The following THRB variants were observed in gnomAD, a reference collection of about 807,000 sequenced individuals.
THRB encodes nuclear receptor subfamily 1 group A member 2.
A neutral mutation model predicts 47.8 loss-of-function variants in THRB; 12 were observed. That is an observed-to-expected ratio of 0.25 (90% CI 0.16 to 0.41). The LOEUF is 0.41. Among genes scored for constraint, THRB ranks in the 10% least tolerant of loss-of-function variants. THRB has a pLI of 1.00. For synonymous variants in THRB, 218 were observed against 212.2 expected, an observed-to-expected ratio of 1.03 and a Z score of -0.24; for missense variants, 348 against 589.2, an observed-to-expected ratio of 0.59 and a Z score of 4.24.
At chr3:24,448,797 C>T (rs1331328257) in intron 1 of THRB, among the ~76,000 whole-genome samples, 3 of 152,276 alleles carry the variant, frequency 2.0e-5, no homozygotes, top group African/African-American at 4.8e-5. Context: ...CAGAGAAATG[C>T]CTTTTCTGAG....
At chr3:24,484,335 T>C (rs1696947523) in intron 1 of THRB, among the ~76,000 whole-genome samples, 1 of 152,184 alleles carries the variant, frequency 6.6e-6, no homozygotes, top group Non-Finnish European at 1.5e-5. Flanking sequence ...TCTAGAGTCC[T>C]GTCATCAAAT....
In THRB at chr3:24,441,842, A is replaced by C. The variant is rs139835916; in HGVS notation, c.-261+52810T>G. 5.6e-4 allele frequency among the ~76,000 whole-genome samples: 86 copies of C among 152,262 alleles called. 1 individual carries two copies. In the Middle Eastern group the frequency reaches 0.017, roughly 30 times the overall value. ...TCTCACTCTAGTCTCCCCATCCAAA[A>C]ACATTTTTAAAAGACTTGAGCCCCT... On this transcript the variant is annotated intron_variant, in intron 1 of 10. Coordinates refer to ENST00000646209, the MANE Select transcript of THRB (RefSeq NM_001354712.2).
intron 1 of THRB, among the ~76,000 whole-genome samples, chr3:24,491,941 G>A (rs1698202313): frequency 6.6e-6 from 1 of 152,230 alleles, no homozygotes; most frequent in African/African-American, 2.4e-5. Context: ...CGCAGAAATA[G>A]CTCTTTGCAT....
At chr3:24,218,517 A>T (rs1389523597) in intron 4 of THRB, among the ~76,000 whole-genome samples, 1 of 151,982 alleles carries the variant, frequency 6.6e-6, no homozygotes, top group African/African-American at 2.4e-5. Flanking sequence ...CAAACTTCTT[A>T]AAAAAGTACA....
chr3:24,279,580 A>G (rs79393264), intron 3 of THRB, among the ~76,000 whole-genome samples: 1 of 142,744 alleles, frequency 7.0e-6, no homozygotes, highest in Non-Finnish European at 1.5e-5. Context: ...TTTTTTTAGT[A>G]GAGACGGGGT....
chr3:24,223,073 C>G (rs1201717929), intron 4 of THRB, among the ~76,000 whole-genome samples: 1 of 151,874 alleles, frequency 6.6e-6, no homozygotes, highest in East Asian at 1.9e-4. Flanking sequence ...CATCGTTGCT[C>G]TCCTTTGGCT....
intron 8 of THRB, among the ~76,000 whole-genome samples, chr3:24,143,082 C>T (rs1351999731): frequency 6.6e-6 from 1 of 151,994 alleles, no homozygotes; most frequent in Admixed American, 6.6e-5. Flanking sequence ...ATACTTGAGG[C>T]CTAGAGGCTA....
intron 2 of THRB, among the ~76,000 whole-genome samples, chr3:24,321,165 C>G (rs1056334191): frequency 6.6e-6 from 1 of 152,238 alleles, no homozygotes; most frequent in South Asian, 2.1e-4. Flanking sequence ...TTTTACACCC[C>G]CAGTCTCCAT....
At chr3:24,408,813 CA>C (rs2068039410) in intron 1 of THRB, among the ~76,000 whole-genome samples, 1 of 151,258 alleles carries the variant, frequency 6.6e-6, no homozygotes, top group Admixed American at 6.6e-5. Context: ...CAAATCATTA[CA>C]GAAGAAAAAA....
At chr3:24,248,875 A>G (rs1011739209) in intron 3 of THRB, among the ~76,000 whole-genome samples, 2 of 152,166 alleles carry the variant, frequency 1.3e-5, no homozygotes, top group East Asian at 3.9e-4. Context: ...TGAGGGTGAC[A>G]GCTACTTCTT....
At chr3:24,454,695 C>T (rs892644676) in intron 1 of THRB, among the ~76,000 whole-genome samples, 4 of 152,126 alleles carry the variant, frequency 2.6e-5, no homozygotes, top group African/African-American at 4.8e-5. Flanking sequence ...TAATCTCTCT[C>T]TCTTCTCATA....
intron 1 of THRB, among the ~76,000 whole-genome samples, chr3:24,482,335 T>C (rs1437029291): frequency 6.6e-6 from 1 of 152,216 alleles, no homozygotes; most frequent in Non-Finnish European, 1.5e-5. Context: ...ACCAACATTC[T>C]TTCCCTTGCA....
rs369401643 is a variant in THRB at position 24,179,445 on chromosome 3, TGAGAA to T, written c.283+10624_283+10628del. 2.3e-4 allele frequency among the ~76,000 whole-genome samples: 35 copies of T among 152,304 alleles called. 1 individual carries two copies. The South Asian group carries it at 7.0e-3, about 31-fold the overall frequency. ...TATGCAAACAAACACATACAGAGAA[TGAGAA>T]AAGAAATATGGTAAAATGTTAACAA... On this transcript the variant is annotated intron_variant, in intron 5 of 10. Transcript: ENST00000646209.
intron 1 of THRB, among the ~76,000 whole-genome samples, chr3:24,414,368 T>C (rs929482979): frequency 8.6e-5 from 13 of 151,990 alleles, no homozygotes; most frequent in African/African-American, 3.1e-4. Flanking sequence ...TAAGAACGTA[T>C]TTATTGGTTC....
At chr3:24,273,828 G>C (rs2053609354) in intron 3 of THRB, among the ~76,000 whole-genome samples, 1 of 148,672 alleles carries the variant, frequency 6.7e-6, no homozygotes, top group African/African-American at 2.5e-5. Context: ...AAACAAAACT[G>C]AATTATTTCT....
chr3:24,268,562 T>C (rs1253563473), intron 3 of THRB, among the ~76,000 whole-genome samples: 1 of 152,226 alleles, frequency 6.6e-6, no homozygotes, highest in African/African-American at 2.4e-5. Context: ...AATTTCCTTT[T>C]AGTTTTTCTC....
At chr3:24,279,615 T>G (rs2150795206) in intron 3 of THRB, among the ~76,000 whole-genome samples, 1 of 151,384 alleles carries the variant, frequency 6.6e-6, no homozygotes, top group Non-Finnish European at 1.5e-5. Flanking sequence ...CAGGATGGTC[T>G]CTATCTCCTG....
At chr3:24,390,835 G>A (rs1199209895) in intron 1 of THRB, among the ~76,000 whole-genome samples, 1 of 148,078 alleles carries the variant, frequency 6.8e-6, no homozygotes, top group African/African-American at 2.5e-5. Flanking sequence ...TAAATTCTTG[G>A]AATTAAAAAC....
At chr3:24,274,156 A>G (rs1420705744) in intron 3 of THRB, among the ~76,000 whole-genome samples, 1 of 151,940 alleles carries the variant, frequency 6.6e-6, no homozygotes, top group African/African-American at 2.4e-5. Context: ...CATCTGCCCT[A>G]TTATTTATTA....
Sources: gnomAD v4.1 joint callset for allele counts (sites outside exome capture counted in the v4.1 genomes callset) on GRCh38, gnomAD v4.1.1 for gene constraint, MANE v1.5 for transcripts, NCBI Gene and HGNC (gene_info 2026-07-23, HGNC 2026-07-21) for gene names.